NHSL1: variants seen among roughly 807,000 people sequenced by gnomAD.
The protein encoded by NHSL1 is NHS like 1, also known as NHS-like protein 1.
In NHSL1, 48 loss-of-function variants were observed where a neutral mutation model predicts 95.0. The ratio of observed to expected loss-of-function variants is 0.51; its 90% CI spans 0.40 to 0.64. The LOEUF (loss-of-function observed/expected upper bound fraction) is 0.64, where lower values mean the gene tolerates loss of function less well. Ranked by LOEUF, NHSL1 falls within the 30% of genes least tolerant of loss-of-function variation. NHSL1 has a pLI of 0.00. For synonymous variants in NHSL1, 783 were observed against 833.9 expected, an observed-to-expected ratio of 0.94 and a Z score of 1.05; for missense variants, 1,971 against 2,077.7, an observed-to-expected ratio of 0.95 and a Z score of 1.00.
At chr6:138,520,628 G>GA in intron 1 of NHSL1, among the ~76,000 whole-genome samples, 1 of 152,038 alleles carries the variant, frequency 6.6e-6, no homozygotes, top group Admixed American at 6.6e-5. Flanking sequence ...CCTTGACCAA[G>GA]TTAATCTCCC....
At chr6:138,586,667 G>A (rs1023358508) in intron 1 of NHSL1, among the ~76,000 whole-genome samples, 3 of 152,172 alleles carry the variant, frequency 2.0e-5, no homozygotes, top group African/African-American at 7.2e-5. Flanking sequence ...GAAATCAATA[G>A]TCTCATCAAA....
chr6:138,569,243 A>ATG lies in NHSL1; in HGVS notation c.202+2466_202+2467insCA, dbSNP rs1289572495. 2.7e-5 allele frequency among the ~76,000 whole-genome samples: 4 copies of ATG among 147,774 alleles called. No individual in the cohort carries two copies. The East Asian group carries it at 8.4e-4, about 31-fold the overall frequency. On this transcript the variant is annotated intron_variant, in intron 1 of 6. Transcript: ENST00000427025. ...CTGTCACTGCATGATGGTTGTGTGT[A>ATG]TATGTGTGTGTGTGTGTGTGTGTGT...
intron 1 of NHSL1, among the ~76,000 whole-genome samples, chr6:138,608,945 G>A (rs545280904): frequency 5.3e-5 from 8 of 152,258 alleles, no homozygotes; most frequent in African/African-American, 1.7e-4. Flanking sequence ...GTTACTAGAA[G>A]ATGCTAGGCA....
chr6:138,517,775 G>A (rs893041024), intron 1 of NHSL1, among the ~76,000 whole-genome samples: 6 of 152,206 alleles, frequency 3.9e-5, no homozygotes, highest in East Asian at 1.9e-4. Context: ...CAGAGCATGC[G>A]CAAGTGTGGA....
At chr6:138,671,088 G>C (rs987724164) in intron 1 of NHSL1, among the ~76,000 whole-genome samples, 1 of 152,186 alleles carries the variant, frequency 6.6e-6, no homozygotes, top group African/African-American at 2.4e-5. Flanking sequence ...CCAGGAGTTT[G>C]AGGCTGCAGT....
chr6:138,619,006 G>A (rs1784618356), intron 1 of NHSL1, among the ~76,000 whole-genome samples: 1 of 152,138 alleles, frequency 6.6e-6, no homozygotes, highest in South Asian at 2.1e-4. Flanking sequence ...TCTTATAGGA[G>A]AGCAAGAAAG....
At chr6:138,606,828 G>A (rs563064612) in intron 1 of NHSL1, among the ~76,000 whole-genome samples, 5 of 150,528 alleles carry the variant, frequency 3.3e-5, no homozygotes, top group African/African-American at 9.8e-5. Flanking sequence ...TCAGCCTCTC[G>A]AATAGCTGGG....
At chr6:138,489,865 A>AGAGAGG (rs1562321564) in intron 2 of NHSL1, among the ~76,000 whole-genome samples, 2 of 71,676 alleles carry the variant, frequency 2.8e-5, no homozygotes, top group African/African-American at 2.0e-4. Flanking sequence ...AGAGAGAGAG[A>AGAGAGG]GAGAGAGGGA....
At position 138,564,422 on chromosome 6, in the gene NHSL1, T is replaced by C. The variant is rs145303978; in HGVS notation, c.202+7288A>G. 2.0e-5 allele frequency among the ~76,000 whole-genome samples: 3 copies of C among 152,204 alleles called. No individual in the cohort carries two copies. In the East Asian group the frequency reaches 5.8e-4, roughly 30 times the overall value. ...AAGCCAAGCCTGTAATCCGAGCACT[T>C]TGGGAAGCCGAGGCAGGTGGATCAC... On this transcript the variant is annotated intron_variant, in intron 1 of 6. Coordinates refer to the NHSL1 transcript ENST00000427025.
chr6:138,654,820 G>C (rs1344110909), intron 1 of NHSL1, among the ~76,000 whole-genome samples: 1 of 152,146 alleles, frequency 6.6e-6, no homozygotes, highest in African/African-American at 2.4e-5. Flanking sequence ...TTACGAGGTG[G>C]GGAAAAGCCA....
chr6:138,478,527 T>C (rs755089421), intron 2 of NHSL1, among the ~76,000 whole-genome samples: 2 of 152,194 alleles, frequency 1.3e-5, no homozygotes, highest in Non-Finnish European at 2.9e-5. Flanking sequence ...CATGGTTTTG[T>C]TCATTAGAAT....
At chr6:138,626,945 G>A (rs1191885927) in intron 1 of NHSL1, among the ~76,000 whole-genome samples, 1 of 128,808 alleles carries the variant, frequency 7.8e-6, no homozygotes, top group African/African-American at 2.8e-5. Flanking sequence ...ACCACTATAA[G>A]CAATCAAGAC....
chr6:138,524,318 T>A (rs1781810724), intron 1 of NHSL1, among the ~76,000 whole-genome samples: 1 of 152,184 alleles, frequency 6.6e-6, no homozygotes, highest in Non-Finnish European at 1.5e-5. Flanking sequence ...TGAACGCCCA[T>A]GTAACCAGCA....
chr6:138,558,277 C>G (rs1162853169), intron 1 of NHSL1, among the ~76,000 whole-genome samples: 1 of 151,804 alleles, frequency 6.6e-6, no homozygotes, highest in Non-Finnish European at 1.5e-5. Flanking sequence ...CACCCACCAC[C>G]ACGCCCGGCT....
rs1013284871 is a variant in NHSL1, at chr6:138,433,386, G to A, written c.959C>T (p.Ala320Val). Residue 320 changes from alanine (A) to valine (V), a missense_variant, in exon 6 of 8, where the codon GCT becomes GTT. By Grantham distance (64) the Ala-to-Val change is moderately conservative. Coordinates refer to ENST00000343505, the MANE Select transcript of NHSL1 (RefSeq NM_001144060.2). Reference protein sequence around the residue: ...IVFPSRLDSDAGFHSLPRSGA... With the variant: ...IVFPSRLDSDVGFHSLPRSGA... ...AGAACGCGGAAGACTATGGAAGCCA[G>A]CATCACTGTCAAGGCGGGAAGGGAA... is the stretch of plus-strand genomic sequence containing the variant. The A allele has an allele frequency of 2.6e-6, 4 of 1,552,200 alleles. No individual in the cohort carries two copies. The African/African-American group carries it at 5.5e-5, about 21-fold the overall frequency.
At chr6:138,440,026 ACAT>A (rs1447508032) in intron 5 of NHSL1, among the ~76,000 whole-genome samples, 6 of 152,158 alleles carry the variant, frequency 3.9e-5, no homozygotes, top group Non-Finnish European at 7.3e-5. Context: ...CTCATTCTAG[ACAT>A]CATATTACAT....
intron 1 of NHSL1, among the ~76,000 whole-genome samples, chr6:138,506,914 G>A (rs1227688872): frequency 6.6e-6 from 1 of 152,098 alleles, no homozygotes; most frequent in East Asian, 1.9e-4. Flanking sequence ...TCCTGCTGCT[G>A]GGCATTTATT....
intron 1 of NHSL1, among the ~76,000 whole-genome samples, chr6:138,505,109 T>C (rs1394881039): frequency 6.6e-6 from 1 of 151,118 alleles, no homozygotes; most frequent in African/African-American, 2.4e-5. Context: ...AACTCAGACA[T>C]AGCCTTGCCC....
intron 1 of NHSL1, among the ~76,000 whole-genome samples, chr6:138,561,430 C>G (rs568229620): frequency 6.6e-6 from 1 of 152,272 alleles, no homozygotes; most frequent in Non-Finnish European, 1.5e-5. Flanking sequence ...ATTCCCAATA[C>G]AGTCTTTTTC....
Sources: gnomAD v4.1 joint callset for allele counts (sites outside exome capture counted in the v4.1 genomes callset) on GRCh38, gnomAD v4.1.1 for gene constraint, MANE v1.5 for transcripts, NCBI Gene and HGNC (gene_info 2026-07-23, HGNC 2026-07-21) for gene names.